Variants in KCNK10 observed in about 807,000 individuals in gnomAD.
The protein encoded by KCNK10 is potassium two pore domain channel subfamily K member 10.
KCNK10 carries 25 observed loss-of-function variants against 47.7 expected under a neutral mutation model. The ratio of observed to expected loss-of-function variants is 0.52; its 90% CI spans 0.38 to 0.73. KCNK10 has a LOEUF of 0.73. Ranked by LOEUF, KCNK10 falls within the 30% of genes least tolerant of loss-of-function variation. The pLI is 0.00. For missense variants in KCNK10, 563 were observed against 714.5 expected (o/e 0.79, Z 2.42); for synonymous variants, 303 against 285.6 (o/e 1.06, Z -0.61).
At chr14:88,297,351 G>C (rs1459282419) in intron 1 of KCNK10, among the ~76,000 whole-genome samples, 1 of 152,200 alleles carries the variant, frequency 6.6e-6, no homozygotes, top group African/African-American at 2.4e-5. Context: ...TGGAGATCTA[G>C]ATCCATTAAT....
chr14:88,308,862 A>C (rs1471218673), intron 1 of KCNK10, among the ~76,000 whole-genome samples: 5 of 152,256 alleles, frequency 3.3e-5, no homozygotes, highest in African/African-American at 1.2e-4. Flanking sequence ...CACCCATTCC[A>C]TATTAAATTC....
At position 88,210,195 on chromosome 14, in the gene KCNK10, T is replaced by G. The variant is rs183273647; in HGVS notation, c.681+17180A>C. Among the ~76,000 whole-genome samples, 177 of 152,306 alleles carry G rather than the reference T, an allele frequency of 1.2e-3. 2 individuals carry two copies. The highest frequency in any genetic ancestry group is 0.011 in the Admixed American group (175 of 15,308). ...AACTGAGGCACAGCCTGAGGTCACA[T>G]AGCTGATAAGAAGTAGACATAGCAT... On this transcript the variant is annotated intron_variant, in intron 4 of 6. Coordinates refer to ENST00000319231, the MANE Select transcript of KCNK10 (RefSeq NM_138317.3).
rs780169033 is a variant in KCNK10 at position 88,185,581 on chromosome 14, T to C, written c.1586A>G (p.Lys529Arg). Residue 529 changes from lysine to arginine, a missense_variant, in exon 7 of 7, where the codon AAA becomes AGA. Coordinates refer to ENST00000319231, the MANE Select transcript of KCNK10 (RefSeq NM_138317.3). The surrounding 1 kb of genome is among the most constrained non-coding windows in gnomAD (Gnocchi z 4.3). ...TGAGTTGTTCTCCGGCTCCCGGTCT[T>C]TGGTGTCCGTGGGTATCATTCCGTT... is the stretch of plus-strand genomic sequence containing the variant. ...LENGMIPTDT[K>R]DREPENNSLL... is the part of the protein sequence containing the mutation. 11 of 1,614,092 alleles carry C rather than the reference T, an allele frequency of 6.8e-6. No homozygotes were observed. In the South Asian group the frequency reaches 1.1e-4, roughly 16 times the overall value.
chr14:88,210,572 G>A (rs570488518), intron 4 of KCNK10, among the ~76,000 whole-genome samples: 3 of 152,292 alleles, frequency 2.0e-5, no homozygotes, highest in East Asian at 3.9e-4. Flanking sequence ...GCCTGGCACT[G>A]AGCCACCCGT....
chr14:88,323,178 A>G lies in KCNK10; in HGVS notation c.-380T>C, dbSNP rs1055554588. On this transcript the variant is annotated 5_prime_UTR_variant, in exon 1 of 7. Transcript: ENST00000319231. ...AGCCTGAAGGCTGGGGCTACGGAGA[A>G]GCCCACTGCAGTGTCACTCCAGCCC... 2.7e-6 allele frequency: 3 copies of G among 1,094,790 alleles called. No individual in the cohort carries two copies. The highest frequency in any genetic ancestry group is 3.3e-5 in the African/African-American group (2 of 60,778). The allele number at this position is 1,094,790 out of a possible 1,614,324, so 67.8% of individuals were successfully genotyped here.
At chr14:88,310,300 G>C (rs1042001851) in intron 1 of KCNK10, among the ~76,000 whole-genome samples, 1 of 110,180 alleles carries the variant, frequency 9.1e-6, no homozygotes. Context: ...TGTCTCAGTG[G>C]CTAGGCTGTG....
intron 2 of KCNK10, among the ~76,000 whole-genome samples, chr14:88,255,946 G>T (rs897368679): frequency 3.9e-5 from 6 of 152,192 alleles, no homozygotes; most frequent in Non-Finnish European, 5.9e-5. Flanking sequence ...TTAGAACAGA[G>T]TCTAGAGGAA....
At chr14:88,201,526 G>T (rs1885101876) in intron 4 of KCNK10, among the ~76,000 whole-genome samples, 1 of 152,022 alleles carries the variant, frequency 6.6e-6, no homozygotes, top group Non-Finnish European at 1.5e-5. Context: ...CAGGTGTGGT[G>T]GCAGGTACCT....
chr14:88,192,103 G>C, intron 5 of KCNK10, 121 bp downstream of exon 5: 3 of 891,158 alleles, frequency 3.4e-6, no homozygotes, highest in Non-Finnish European at 5.2e-6. Flanking sequence ...CACAGCAGTA[G>C]TGACACTGAG....
At chr14:88,284,456 AAAG>A (rs1157764531) in intron 1 of KCNK10, among the ~76,000 whole-genome samples, 6 of 152,200 alleles carry the variant, frequency 3.9e-5, no homozygotes, top group Non-Finnish European at 8.8e-5. Flanking sequence ...GCTGAGGAGC[AAAG>A]AAGACAGCCC....
intron 1 of KCNK10, among the ~76,000 whole-genome samples, chr14:88,291,017 T>C: frequency 6.6e-6 from 1 of 152,224 alleles, no homozygotes; most frequent in Non-Finnish European, 1.5e-5. Flanking sequence ...GTGGTCCCTC[T>C]GCCGCGGAAA....
At chr14:88,217,269 C>A (rs774104745) in intron 4 of KCNK10, among the ~76,000 whole-genome samples, 71 of 152,268 alleles carry the variant, frequency 4.7e-4, no homozygotes, top group South Asian at 4.2e-4. Context: ...GAAGCAGATA[C>A]TCCAGAGACA....
intron 4 of KCNK10, among the ~76,000 whole-genome samples, chr14:88,220,492 T>C (rs184376770): frequency 2.6e-4 from 36 of 140,460 alleles, no homozygotes; most frequent in African/African-American, 8.6e-4. Flanking sequence ...CAGTATGATA[T>C]TGGAGAAAGA....
chr14:88,218,705 T>G (rs970376310), intron 4 of KCNK10, among the ~76,000 whole-genome samples: 1 of 152,040 alleles, frequency 6.6e-6, no homozygotes, highest in Admixed American at 6.6e-5. Context: ...TGAGAATCAG[T>G]CCAGAATTTG....
intron 2 of KCNK10, among the ~76,000 whole-genome samples, chr14:88,250,848 C>T (rs1159807693): frequency 6.6e-6 from 1 of 151,988 alleles, no homozygotes; most frequent in Non-Finnish European, 1.5e-5. Context: ...CTATTGACAA[C>T]CAGACCAAAA....
intron 1 of KCNK10, among the ~76,000 whole-genome samples, chr14:88,290,765 A>G (rs545796731): frequency 2.0e-5 from 3 of 152,376 alleles, no homozygotes; most frequent in African/African-American, 7.2e-5. Context: ...TATAAGGTAC[A>G]AAGCCCTAAG....
chr14:88,226,048 C>A (rs1432269173), intron 4 of KCNK10, among the ~76,000 whole-genome samples: 1 of 152,226 alleles, frequency 6.6e-6, no homozygotes, highest in Non-Finnish European at 1.5e-5. Context: ...GGCTAGCCTG[C>A]CCATGAGGGC....
Position 88,185,578 on chromosome 14 carries a change from T to A in KCNK10, c.1589A>T (p.Asp530Val). 1 of 1,613,976 alleles carries A rather than the reference T, an allele frequency of 6.2e-7. No individual in the cohort carries two copies. Among genetic ancestry groups the A allele is most frequent in the Non-Finnish European group, 8.5e-7 (1 of 1,179,964 alleles). Residue 530 changes from aspartate (D) to valine (V), a missense_variant, in exon 7 of 7, where the codon GAC becomes GTC. By Grantham distance (152) the Asp-to-Val change is radical. Transcript: ENST00000319231. The surrounding 1 kb of genome is among the most constrained non-coding windows in gnomAD (Gnocchi z 4.3). ...ENGMIPTDTK[D>V]REPENNSLLE... ...TAATGAGTTGTTCTCCGGCTCCCGG[T>A]CTTTGGTGTCCGTGGGTATCATTCC...
intron 1 of KCNK10, among the ~76,000 whole-genome samples, chr14:88,280,776 C>T (rs952682132): frequency 6.6e-6 from 1 of 152,108 alleles, no homozygotes; most frequent in African/African-American, 2.4e-5. Flanking sequence ...TCCCTCTGTC[C>T]CCCTGGCCCT....
Sources: gnomAD v4.1 joint callset for allele counts (sites outside exome capture counted in the v4.1 genomes callset) on GRCh38, gnomAD v4.1.1 for gene constraint, Gnocchi (gnomAD v3.1) non-coding constraint, MANE v1.5 for transcripts, NCBI Gene and HGNC (gene_info 2026-07-23, HGNC 2026-07-21) for gene names.